The following KLHL1 variants were observed in gnomAD, a reference collection of about 807,000 sequenced individuals.
KLHL1 encodes the protein kelch-like protein 1.
KLHL1 carries 47 observed loss-of-function variants against 77.7 expected under a neutral mutation model. The ratio of observed to expected loss-of-function variants is 0.60; its 90% CI spans 0.48 to 0.77. The LOEUF (loss-of-function observed/expected upper bound fraction) is 0.77, where lower values mean the gene tolerates loss of function less well. Among genes scored for constraint, KLHL1 ranks in the 30% least tolerant of loss-of-function variants. The pLI is 0.00. For missense variants in KLHL1, 925 were observed against 910.8 expected (o/e 1.02, Z -0.20); for synonymous variants, 360 against 325.2 (o/e 1.11, Z -1.15).
Position 69,921,202 on chromosome 13 carries a change from C to T in KLHL1, c.1014+18838G>A, listed in dbSNP as rs559901006. ...AAAAAGAAACGTTATAAACATCTTA[C>T]TGGAATCTGATAAGATAAGGTTACA... On this transcript the variant is annotated intron_variant, in intron 4 of 10. Coordinates refer to ENST00000377844, the MANE Select transcript of KLHL1 (RefSeq NM_020866.3). 2.0e-5 allele frequency among the ~76,000 whole-genome samples: 3 copies of T among 152,274 alleles called. No homozygotes were observed. The South Asian group carries it at 6.2e-4, about 32-fold the overall frequency.
intron 2 of KLHL1, among the ~76,000 whole-genome samples, chr13:69,972,512 A>G (rs377223543): frequency 2.3e-4 from 35 of 151,994 alleles, no homozygotes; most frequent in African/African-American, 8.2e-4. Flanking sequence ...AAAAATTTAA[A>G]TAATACATCT....
At chr13:69,771,879 A>G (rs1875586068) in intron 7 of KLHL1, among the ~76,000 whole-genome samples, 1 of 152,206 alleles carries the variant, frequency 6.6e-6, no homozygotes, top group South Asian at 2.1e-4. Flanking sequence ...TCAAAATAGC[A>G]AATACCACTC....
At chr13:69,935,283 A>AGTTCACCCACTGGTGAACTT (rs1431328675) in intron 4 of KLHL1, among the ~76,000 whole-genome samples, 5 of 151,894 alleles carry the variant, frequency 3.3e-5, no homozygotes, top group African/African-American at 9.7e-5. Context: ...CTTGGTACAT[A>AGTTCACCCACTGGTGAACTT]GCAGTCAATA....
chr13:69,990,000 A>C (rs1401960773), intron 1 of KLHL1, among the ~76,000 whole-genome samples: 1 of 151,936 alleles, frequency 6.6e-6, no homozygotes, highest in Non-Finnish European at 1.5e-5. Flanking sequence ...CCTACAAGCC[A>C]GAGGAGATTT....
At chr13:69,758,116 T>C (rs893739987) in intron 7 of KLHL1, among the ~76,000 whole-genome samples, 5 of 152,088 alleles carry the variant, frequency 3.3e-5, no homozygotes, top group African/African-American at 1.2e-4. Context: ...AAATCTGAGA[T>C]AGCATGAAAC....
At chr13:69,703,449 T>TAA (rs200111252) in intron 10 of KLHL1, among the ~76,000 whole-genome samples, 89 of 147,486 alleles carry the variant, frequency 6.0e-4, no homozygotes, top group African/African-American at 1.5e-3. Context: ...GTTTAAAAAG[T>TAA]AAAAAAAAAA....
intron 4 of KLHL1, among the ~76,000 whole-genome samples, chr13:69,918,513 CTT>C (rs879739772): frequency 6.9e-6 from 1 of 145,154 alleles, no homozygotes; most frequent in Non-Finnish European, 1.5e-5. Flanking sequence ...AGAGTAAATG[CTT>C]TTTTTTTTTT....
intron 5 of KLHL1, among the ~76,000 whole-genome samples, chr13:69,853,790 T>A (rs1879785882): frequency 6.6e-6 from 1 of 152,052 alleles, no homozygotes; most frequent in Admixed American, 6.6e-5. Context: ...ATGTTGTTTT[T>A]GTTTTGTTTC....
At chr13:69,901,542 C>CA (rs1881859213) in intron 4 of KLHL1, among the ~76,000 whole-genome samples, 1 of 152,008 alleles carries the variant, frequency 6.6e-6, no homozygotes, top group Non-Finnish European at 1.5e-5. Flanking sequence ...CAAAAGAAAA[C>CA]AAAAAATACA....
intron 3 of KLHL1, among the ~76,000 whole-genome samples, chr13:69,954,812 C>CAA (rs1203239636): frequency 6.6e-6 from 1 of 151,058 alleles, no homozygotes; most frequent in African/African-American, 2.4e-5. Flanking sequence ...CACACACACA[C>CAA]ACACACATTT....
chr13:69,991,776 G>A (rs1256288745), intron 1 of KLHL1, among the ~76,000 whole-genome samples: 3 of 151,956 alleles, frequency 2.0e-5, no homozygotes, highest in Non-Finnish European at 4.4e-5. Context: ...AATTGAGGCG[G>A]AGAGACTTCT....
chr13:69,895,227 G>A, intron 4 of KLHL1: 1 of 518,204 alleles, frequency 1.9e-6, no homozygotes, highest in Non-Finnish European at 3.8e-6. Context: ...GTTGCAGTTT[G>A]CTGGCAGCAT....
chr13:69,875,342 T>A (rs1342339488), intron 5 of KLHL1, among the ~76,000 whole-genome samples: 1 of 152,136 alleles, frequency 6.6e-6, no homozygotes, highest in Admixed American at 6.5e-5. Context: ...ACAACAGAAC[T>A]TTGTAAATTG....
At position 69,799,960 on chromosome 13, in the gene KLHL1, GTTGATCA is replaced by G. The variant is rs577302133; in HGVS notation, c.1415-3005_1415-2999del. 2.6e-4 allele frequency among the ~76,000 whole-genome samples: 39 copies of G among 152,248 alleles called. No homozygotes were observed. In the East Asian group the frequency reaches 7.4e-3, roughly 29 times the overall value. ...TGAACTGTGCATGGGAGGGATCTAG[GTTGATCA>G]TACCATATGAGAATCTAATGCCTGA... On this transcript the variant is annotated intron_variant, in intron 6 of 10. Coordinates refer to ENST00000377844, the MANE Select transcript of KLHL1 (RefSeq NM_020866.3).
chr13:69,945,336 A>T (rs1308181291), intron 3 of KLHL1, among the ~76,000 whole-genome samples: 3 of 151,980 alleles, frequency 2.0e-5, no homozygotes, highest in Non-Finnish European at 4.4e-5. Flanking sequence ...TATCAAAAAC[A>T]TAATTTCTCA....
chr13:69,798,770 AAG>A (rs1353557681), intron 6 of KLHL1, among the ~76,000 whole-genome samples: 9 of 152,244 alleles, frequency 5.9e-5, no homozygotes, highest in African/African-American at 2.2e-4. Context: ...ACTAAAAATT[AAG>A]AGTTATACAC....
chr13:69,936,700 A>G (rs1325446282), intron 4 of KLHL1, among the ~76,000 whole-genome samples: 1 of 152,022 alleles, frequency 6.6e-6, no homozygotes, highest in African/African-American at 2.4e-5. Flanking sequence ...TTCTAAGTTT[A>G]AAAGATATGA....
At chr13:70,097,891 T>TA (rs1887831340) in intron 1 of KLHL1, among the ~76,000 whole-genome samples, 1 of 151,034 alleles carries the variant, frequency 6.6e-6, no homozygotes, top group Admixed American at 6.6e-5. Context: ...CTTTCTGTTT[T>TA]TTTTTTTTCA....
chr13:69,754,837 G>A (rs895511568), intron 7 of KLHL1, among the ~76,000 whole-genome samples: 1 of 152,170 alleles, frequency 6.6e-6, no homozygotes, highest in Admixed American at 6.5e-5. Flanking sequence ...TTACCCGAAT[G>A]TTCCCTGAAT....
Sources: gnomAD v4.1 joint callset for allele counts (sites outside exome capture counted in the v4.1 genomes callset) on GRCh38, gnomAD v4.1.1 for gene constraint, MANE v1.5 for transcripts, NCBI Gene and HGNC (gene_info 2026-07-23, HGNC 2026-07-21) for gene names.